IFI27L1: variants seen among roughly 807,000 people sequenced by gnomAD.
IFI27L1 encodes interferon alpha inducible protein 27 like 1.
A neutral mutation model predicts 9.2 loss-of-function variants in IFI27L1; 3 were observed. That is an observed-to-expected ratio of 0.32 (90% CI 0.15 to 0.84). IFI27L1 has a LOEUF of 0.84. IFI27L1 is among the 40% of genes least tolerant of loss of function. The probability of loss-of-function intolerance (pLI) is 0.56; values close to 1 mark genes in which losing one functional copy is unlikely to be tolerated. For synonymous variants in IFI27L1, 53 were observed against 50.0 expected, an observed-to-expected ratio of 1.06 and a Z score of -0.26; for missense variants, 133 against 134.2, an observed-to-expected ratio of 0.99 and a Z score of 0.05.
chr14:94,096,671 G>A (rs1240769755), intron 1 of IFI27L1, among the ~76,000 whole-genome samples: 1 of 149,092 alleles, frequency 6.7e-6, no homozygotes, highest in East Asian at 1.9e-4. Flanking sequence ...TCCAGCCTGG[G>A]TGACAGAGCG....
chr14:94,093,130 C>T (rs983662593), intron 1 of IFI27L1, among the ~76,000 whole-genome samples: 5 of 151,808 alleles, frequency 3.3e-5, no homozygotes, highest in South Asian at 4.2e-4. Context: ...AATTCAAAAT[C>T]CTCCTTTTCA....
At chr14:94,084,051 A>AT (rs945464175) in intron 1 of IFI27L1, among the ~76,000 whole-genome samples, 6 of 152,072 alleles carry the variant, frequency 3.9e-5, no homozygotes, top group Admixed American at 2.0e-4. Context: ...AAACATAGGT[A>AT]TTTTTTTTCC....
intron 2 of IFI27L1, 125 bp from the exon 3 acceptor site, chr14:94,100,614 G>A: frequency 6.3e-7 from 1 of 1,576,624 alleles, no homozygotes; most frequent in Non-Finnish European, 8.6e-7. Flanking sequence ...CCTAGGATGA[G>A]TAGGGGGCTT....
intron 4 of IFI27L1, chr14:94,102,188 T>G: frequency 1.6e-6 from 1 of 612,452 alleles, no homozygotes; most frequent in East Asian, 2.7e-5. Flanking sequence ...CCCAGGCAGG[T>G]CTCCTCCCCT....
intron 1 of IFI27L1, among the ~76,000 whole-genome samples, chr14:94,083,160 G>A (rs1886168145): frequency 6.6e-6 from 1 of 152,360 alleles, no homozygotes; most frequent in Non-Finnish European, 1.5e-5. Context: ...CTTCAGTGAA[G>A]GAGGTAACTG....
rs543587804 is a variant in IFI27L1 at position 94,090,557 on chromosome 14, G to T, written c.-51-6330G>T. ...TGAGGCCAGCCATGGGTTGGTAGCAGATACCTACGAGTTTGGGTAAATTCC... is the reference window on the plus strand; with the variant it reads ...TGAGGCCAGCCATGGGTTGGTAGCATATACCTACGAGTTTGGGTAAATTCC... On this transcript the variant is annotated intron_variant, in intron 1 of 4. Transcript: ENST00000555523. Among the ~76,000 whole-genome samples, 3 of 152,328 alleles carry T rather than the reference G, an allele frequency of 2.0e-5. No individual in the cohort carries two copies. The East Asian group carries it at 5.8e-4, about 29-fold the overall frequency.
chr14:94,088,101 G>C, intron 1 of IFI27L1: 1 of 612,482 alleles, frequency 1.6e-6, no homozygotes, highest in Non-Finnish European at 2.9e-6. Flanking sequence ...TATTCCCCTG[G>C]CTTCCCCATA....
chr14:94,091,982 CA>C lies in IFI27L1; in HGVS notation c.-51-4904del, dbSNP rs1886492142. On this transcript the variant is annotated intron_variant, in intron 1 of 4. Coordinates refer to ENST00000555523, the MANE Select transcript of IFI27L1 (RefSeq NM_206949.3). The stretch of plus-strand genomic sequence containing the variant: ...CTACTAAAAATACAAAAAAATTAGC[CA>C]CGCATGGTGGCGGGTGCCTGTAATC... 9.9e-5 allele frequency among the ~76,000 whole-genome samples: 15 copies of C among 151,480 alleles called. No homozygotes were observed. In the East Asian group the frequency reaches 2.9e-3, roughly 30 times the overall value.
chr14:94,096,923 G>C lies in IFI27L1; in HGVS notation c.-15G>C, dbSNP rs201346455. On this transcript the variant is annotated 5_prime_UTR_variant, in exon 2 of 5. Coordinates refer to ENST00000555523, the MANE Select transcript of IFI27L1 (RefSeq NM_206949.3). The stretch of plus-strand genomic sequence containing the variant: ...AGAATCCGAGTGGAGGCTCACCGAG[G>C]CGAAGGGGCCAACCATGGGAAAGGA... 6.2e-7 allele frequency: 1 copy of C among 1,613,410 alleles called. No homozygotes were observed.
At chr14:94,099,277 G>A (rs1346068874) in intron 2 of IFI27L1, among the ~76,000 whole-genome samples, 1 of 152,208 alleles carries the variant, frequency 6.6e-6, no homozygotes, top group Non-Finnish European at 1.5e-5. Flanking sequence ...GGGAATGTGG[G>A]GGCAGGGGTG....
At chr14:94,084,327 C>T (rs1409059377) in intron 1 of IFI27L1, among the ~76,000 whole-genome samples, 2 of 152,112 alleles carry the variant, frequency 1.3e-5, no homozygotes, top group African/African-American at 2.4e-5. Context: ...CATGGTGAAA[C>T]CCCGTCTCTA....
intron 1 of IFI27L1, among the ~76,000 whole-genome samples, chr14:94,092,214 C>G (rs145549576): frequency 5.9e-5 from 9 of 151,812 alleles, no homozygotes; most frequent in Admixed American, 1.3e-4. Context: ...ATATCAAATT[C>G]AATCCTTAAT....
In IFI27L1 at chr14:94,088,696, C is replaced by G. The variant is rs558226233; in HGVS notation, c.-52+7247C>G. On this transcript the variant is annotated intron_variant, in intron 1 of 4. Transcript: ENST00000555523. Reference sequence around the variant, plus strand: ...GCAGCTGAACTCTGACTAATAGATGCATGTGACACACATACAAAATGTTAC... The same window carrying G: ...GCAGCTGAACTCTGACTAATAGATGGATGTGACACACATACAAAATGTTAC... Among the ~76,000 whole-genome samples, 10 of 152,242 alleles carry G rather than the reference C, an allele frequency of 6.6e-5. No individual in the cohort carries two copies. In the South Asian group the frequency reaches 2.1e-3, roughly 32 times the overall value.
chr14:94,101,798 T>A lies in IFI27L1; in HGVS notation c.62-16T>A. The A allele has an allele frequency of 6.2e-7, 1 of 1,613,996 alleles. No individual in the cohort carries two copies. Among genetic ancestry groups the A allele is most frequent in the African/African-American group, 1.3e-5 (1 of 75,066 alleles). Reference sequence around the variant, plus strand: ...TCCGTCCCATGGGGCCAACCCCAAATCTCCACTTCCCGCAGTTGTGGCTGT... The same window carrying A: ...TCCGTCCCATGGGGCCAACCCCAAAACTCCACTTCCCGCAGTTGTGGCTGT... On this transcript the variant is annotated splice_polypyrimidine_tract_variant and intron_variant, in intron 3 of 4. Coordinates refer to ENST00000555523, the MANE Select transcript of IFI27L1 (RefSeq NM_206949.3).
chr14:94,094,337 C>T (rs781131377), intron 1 of IFI27L1, among the ~76,000 whole-genome samples: 4 of 152,048 alleles, frequency 2.6e-5, no homozygotes, highest in East Asian at 1.9e-4. Flanking sequence ...TCTCTAAAGG[C>T]GGAAACTTGA....
At chr14:94,083,651 A>G (rs1886184381) in intron 1 of IFI27L1, among the ~76,000 whole-genome samples, 1 of 152,258 alleles carries the variant, frequency 6.6e-6, no homozygotes. Flanking sequence ...CACAGTCAAA[A>G]TGTTAATAAT....
At chr14:94,094,562 T>A (rs535634343) in intron 1 of IFI27L1, among the ~76,000 whole-genome samples, 39 of 152,224 alleles carry the variant, frequency 2.6e-4, no homozygotes, top group African/African-American at 7.9e-4. Flanking sequence ...TCAGCCCAAA[T>A]CCACCAAAAC....
intron 1 of IFI27L1, among the ~76,000 whole-genome samples, chr14:94,094,097 T>C (rs72702313): frequency 0.14 from 21,500 of 152,064 alleles, 1,977 homozygotes; most frequent in East Asian, 0.5. Context: ...GCAACGATGC[T>C]TGACCAAACT....
intron 1 of IFI27L1, among the ~76,000 whole-genome samples, chr14:94,086,630 G>T (rs1470855652): frequency 2.6e-5 from 4 of 152,140 alleles, no homozygotes; most frequent in Non-Finnish European, 1.5e-5. Flanking sequence ...CCCAAACCAG[G>T]GGAAGTATGG....
Sources: allele counts gnomAD v4.1 joint callset (sites outside exome capture counted in the v4.1 genomes callset), GRCh38; gene constraint gnomAD v4.1.1; transcripts MANE v1.5; gene names NCBI Gene and HGNC (gene_info 2026-07-23, HGNC 2026-07-21).